Variants in CLSTN2 observed in about 807,000 individuals in gnomAD.
CLSTN2 encodes the protein calsyntenin-2.
A neutral mutation model predicts 101.2 loss-of-function variants in CLSTN2; 48 were observed. The observed-to-expected ratio is 0.47, with a 90% CI of 0.38 to 0.60. CLSTN2 has a LOEUF of 0.60. Among genes scored for constraint, CLSTN2 ranks in the 20% least tolerant of loss-of-function variants. The pLI is 0.00. For missense variants in CLSTN2, 1,160 were observed against 1,238.2 expected (o/e 0.94, Z 0.95); for synonymous variants, 481 against 463.6 (o/e 1.04, Z -0.48).
intron 5 of CLSTN2, among the ~76,000 whole-genome samples, chr3:140,440,747 C>T (rs2088754387): frequency 6.6e-6 from 1 of 152,200 alleles, no homozygotes; most frequent in Non-Finnish European, 1.5e-5. Flanking sequence ...AGCAGTTATG[C>T]TCTGTGGACT....
At chr3:140,535,361 C>T (rs1935337495) in intron 9 of CLSTN2, among the ~76,000 whole-genome samples, 1 of 152,182 alleles carries the variant, frequency 6.6e-6, no homozygotes, top group South Asian at 2.1e-4. Flanking sequence ...TTCTAGGCTA[C>T]ATCTGAAGAG....
At position 140,466,678 on chromosome 3, in the gene CLSTN2, T is replaced by C. The variant is rs1217846753; in HGVS notation, c.1291T>C (p.Phe431Leu). ...CCTCGTCTTTCTCTTGCGGAAGGAC[T>C]TCGACCAGGCTGACACCTTTCGCCC... ...CRLVFLLRKD[F>L]DQADTFRPAE... The change falls in exon 8 of 17, where the codon TTC becomes CTC. Residue 431 changes from phenylalanine to leucine, a missense_variant. Transcript: ENST00000458420. 7 of 1,614,046 alleles carry C rather than the reference T, an allele frequency of 4.3e-6. No individual in the cohort carries two copies. The highest frequency in any genetic ancestry group is 5.1e-6 in the Non-Finnish European group (6 of 1,180,022).
At chr3:140,209,430 A>G (rs1372501157) in intron 2 of CLSTN2, among the ~76,000 whole-genome samples, 3 of 152,032 alleles carry the variant, frequency 2.0e-5, no homozygotes, top group African/African-American at 7.3e-5. Flanking sequence ...AAAAATTTCC[A>G]TTTCATTGGT....
chr3:140,190,293 A>G (rs1402181622), intron 2 of CLSTN2, among the ~76,000 whole-genome samples: 3 of 152,056 alleles, frequency 2.0e-5, no homozygotes, highest in Non-Finnish European at 4.4e-5. Context: ...GGCCCCACCA[A>G]AATTATATAG....
At chr3:140,094,683 G>A (rs1005703717) in intron 1 of CLSTN2, among the ~76,000 whole-genome samples, 2 of 152,194 alleles carry the variant, frequency 1.3e-5, no homozygotes, top group East Asian at 3.8e-4. Context: ...AATACTAATA[G>A]TGTATCCTTT....
chr3:139,987,405 C>G (rs187635437), intron 1 of CLSTN2, among the ~76,000 whole-genome samples: 1 of 152,174 alleles, frequency 6.6e-6, no homozygotes, highest in Admixed American at 6.5e-5. Context: ...GCAGGAAAAA[C>G]TAGATGGCAA....
chr3:140,025,396 C>G (rs55682807), intron 1 of CLSTN2, among the ~76,000 whole-genome samples: 28,459 of 152,156 alleles, frequency 0.19, 2,862 homozygotes, highest in Admixed American at 0.29. Flanking sequence ...CAGATCCTGA[C>G]TCTGCAGCTT....
intron 2 of CLSTN2, among the ~76,000 whole-genome samples, chr3:140,365,771 T>G (rs1249398770): frequency 1.3e-5 from 2 of 152,184 alleles, no homozygotes; most frequent in Non-Finnish European, 2.9e-5. Flanking sequence ...GTTGGTGCTT[T>G]GGAGATAGAT....
intron 1 of CLSTN2, among the ~76,000 whole-genome samples, chr3:139,946,537 C>T (rs1205778641): frequency 6.6e-6 from 1 of 152,142 alleles, no homozygotes; most frequent in African/African-American, 2.4e-5. Flanking sequence ...TGAACAAGAC[C>T]TTGGGATGCT....
intron 2 of CLSTN2, among the ~76,000 whole-genome samples, chr3:140,336,303 A>C (rs2087439088): frequency 1.3e-5 from 2 of 152,236 alleles, no homozygotes; most frequent in South Asian, 4.1e-4. Context: ...ACACAGGTGG[A>C]AACCAAGCTC....
At chr3:140,290,343 T>G (rs1266895869) in intron 2 of CLSTN2, among the ~76,000 whole-genome samples, 1 of 152,140 alleles carries the variant, frequency 6.6e-6, no homozygotes, top group African/African-American at 2.4e-5. Flanking sequence ...GAGCTCTGCC[T>G]CCAGGGATCT....
In CLSTN2 at chr3:140,389,191, T is replaced by C. The variant is rs570590953; in HGVS notation, c.233-14438T>C. Among the ~76,000 whole-genome samples the C allele has an allele frequency of 3.7e-4, 57 of 152,356 alleles. 1 individual carries two copies. Among genetic ancestry groups the C allele is most frequent in the African/African-American group, 1.3e-3 (54 of 41,586 alleles). On this transcript the variant is annotated intron_variant, in intron 2 of 16. Transcript: ENST00000458420. Reference sequence around the variant, plus strand: ...GTGCAGGAAGTGCAAGTTTGTTACATAGGTAAACATGTGCCATGGTGGTTT... The same window carrying C: ...GTGCAGGAAGTGCAAGTTTGTTACACAGGTAAACATGTGCCATGGTGGTTT...
intron 2 of CLSTN2, among the ~76,000 whole-genome samples, chr3:140,196,500 G>C (rs1324814261): frequency 6.6e-6 from 1 of 152,240 alleles, no homozygotes; most frequent in East Asian, 1.9e-4. Context: ...GTTTCCAGGG[G>C]AGAAAGAAGT....
chr3:140,292,537 C>T (rs1576502332), intron 2 of CLSTN2, among the ~76,000 whole-genome samples: 1 of 152,162 alleles, frequency 6.6e-6, no homozygotes, highest in African/African-American at 2.4e-5. Context: ...GATACCTTTA[C>T]CCATAAGCTG....
chr3:139,943,994 G>A (rs932035921), intron 1 of CLSTN2, among the ~76,000 whole-genome samples: 4 of 152,174 alleles, frequency 2.6e-5, no homozygotes, highest in Non-Finnish European at 4.4e-5. Flanking sequence ...AAAAGTCTAC[G>A]ATTTTGCCCA....
chr3:140,048,510 G>T (rs1024054256), intron 1 of CLSTN2, among the ~76,000 whole-genome samples: 3 of 152,184 alleles, frequency 2.0e-5, no homozygotes, highest in African/African-American at 4.8e-5. Context: ...GCCAGGCATT[G>T]TCCACATTCT....
At chr3:140,309,616 G>A (rs2087145943) in intron 2 of CLSTN2, among the ~76,000 whole-genome samples, 1 of 152,066 alleles carries the variant, frequency 6.6e-6, no homozygotes, top group South Asian at 2.1e-4. Flanking sequence ...AGACCTGCTG[G>A]GCACAGCAGG....
chr3:140,562,700 A>G, intron 13 of CLSTN2, 111 bp from the exon 14 acceptor site: 2 of 1,202,994 alleles, frequency 1.7e-6, no homozygotes, highest in African/African-American at 3.0e-5. Context: ...CTTACCCTCA[A>G]CAAATTTACA....
At chr3:140,391,924 G>A (rs2088118582) in intron 2 of CLSTN2, among the ~76,000 whole-genome samples, 1 of 152,036 alleles carries the variant, frequency 6.6e-6, no homozygotes, top group African/African-American at 2.4e-5. Flanking sequence ...CTGATAACCA[G>A]CAGTTTGGGA....
Sources: allele counts gnomAD v4.1 joint callset (sites outside exome capture counted in the v4.1 genomes callset), GRCh38; gene constraint gnomAD v4.1.1; transcripts MANE v1.5; gene names NCBI Gene and HGNC (gene_info 2026-07-23, HGNC 2026-07-21).